Variants in C12orf42 observed in about 807,000 individuals in gnomAD.
C12orf42 encodes chromosome 12 open reading frame 42.
C12orf42 carries 25 observed loss-of-function variants against 21.6 expected under a neutral mutation model. The observed-to-expected ratio is 1.16, with a 90% CI of 0.84 to 1.62. C12orf42 has a LOEUF of 1.62. Ranked by LOEUF, C12orf42 falls within the 40% of genes most tolerant of loss-of-function variation. C12orf42 has a pLI of 0.00. For synonymous variants in C12orf42, 174 were observed against 175.0 expected, an observed-to-expected ratio of 0.99 and a Z score of 0.05; for missense variants, 483 against 459.3, an observed-to-expected ratio of 1.05 and a Z score of -0.47.
chr12:103,086,437 T>G, the C12orf42 span, among the ~76,000 whole-genome samples: 1 of 151,338 alleles, frequency 6.6e-6, no homozygotes, highest in Non-Finnish European at 1.5e-5. Flanking sequence ...ATTCCTTTAG[T>G]ACAGATAAGC....
chr12:103,477,675 A>G (rs375794943), intron 2 of C12orf42, among the ~76,000 whole-genome samples: 7 of 152,296 alleles, frequency 4.6e-5, no homozygotes, highest in African/African-American at 1.7e-4. Context: ...GAGTAAAAGC[A>G]ACAGGAGTCA....
chr12:103,050,401 C>G, the C12orf42 span, among the ~76,000 whole-genome samples: 6 of 152,194 alleles, frequency 3.9e-5, no homozygotes, highest in East Asian at 1.2e-3. Context: ...AGGATCGCTG[C>G]AGGAAACAGA....
At chr12:103,165,675 TAGC>T in the C12orf42 span, among the ~76,000 whole-genome samples, 1 of 152,272 alleles carries the variant, frequency 6.6e-6, no homozygotes, top group East Asian at 1.9e-4. Context: ...GCTGTGGAAA[TAGC>T]AGTCACAAAG....
the C12orf42 span, among the ~76,000 whole-genome samples, chr12:103,194,427 G>T: frequency 1.1e-4 from 17 of 152,012 alleles, no homozygotes; most frequent in African/African-American, 4.1e-4. Flanking sequence ...AAAGCCTAAA[G>T]GACTCCACAA....
chr12:103,463,756 G>A (rs1952902472), intron 2 of C12orf42, among the ~76,000 whole-genome samples: 1 of 152,062 alleles, frequency 6.6e-6, no homozygotes, highest in Non-Finnish European at 1.5e-5. Flanking sequence ...CCCAGCCCCT[G>A]ACAGACACCT....
intron 2 of C12orf42, among the ~76,000 whole-genome samples, chr12:103,471,663 A>G (rs1414329555): frequency 1.3e-5 from 2 of 152,330 alleles, no homozygotes; most frequent in East Asian, 3.9e-4. Context: ...CCAGATTTTA[A>G]CCTCTACACT....
At chr12:103,388,930 G>C (rs1490161941) in intron 3 of C12orf42, among the ~76,000 whole-genome samples, 4 of 152,188 alleles carry the variant, frequency 2.6e-5, no homozygotes, top group Non-Finnish European at 5.9e-5. Context: ...TGGGAAGACT[G>C]GTGGCCCAGG....
chr12:103,157,744 G>A, the C12orf42 span, among the ~76,000 whole-genome samples: 1 of 152,186 alleles, frequency 6.6e-6, no homozygotes, highest in African/African-American at 2.4e-5. Context: ...CCCAATGCTT[G>A]TTTTTGGCAG....
the C12orf42 span, among the ~76,000 whole-genome samples, chr12:103,513,944 G>A: frequency 6.6e-6 from 1 of 152,206 alleles, no homozygotes; most frequent in Non-Finnish European, 1.5e-5. Context: ...AAAGGATGGT[G>A]TATTAATCCA....
chr12:103,250,008 AT>A (rs2034213529), intron 10 of C12orf42, among the ~76,000 whole-genome samples: 1 of 152,090 alleles, frequency 6.6e-6, no homozygotes, highest in Non-Finnish European at 1.5e-5. Context: ...TAGACTCATG[AT>A]CTTAGTTGAT....
chr12:103,556,442 A>G, the C12orf42 span, among the ~76,000 whole-genome samples: 1 of 152,168 alleles, frequency 6.6e-6, no homozygotes, highest in African/African-American at 2.4e-5. Context: ...TCAGCAAAAT[A>G]ATTCTTCAGG....
intron 2 of C12orf42, among the ~76,000 whole-genome samples, chr12:103,452,896 G>T (rs1952042536): frequency 1.3e-5 from 2 of 151,914 alleles, no homozygotes; most frequent in South Asian, 4.1e-4. Context: ...GGAGCGGGGA[G>T]GGATAGCATT....
intron 2 of C12orf42, among the ~76,000 whole-genome samples, chr12:103,430,542 G>C (rs1413276578): frequency 6.6e-6 from 1 of 152,202 alleles, no homozygotes; most frequent in Non-Finnish European, 1.5e-5. Flanking sequence ...AACCATTGTG[G>C]AAGACAGTGT....
chr12:103,160,811 C>T, the C12orf42 span, among the ~76,000 whole-genome samples: 1 of 152,278 alleles, frequency 6.6e-6, no homozygotes, highest in South Asian at 2.1e-4. Context: ...TCTAGACATA[C>T]CAACATAGTG....
At chr12:103,514,589 A>C in the C12orf42 span, among the ~76,000 whole-genome samples, 1 of 152,180 alleles carries the variant, frequency 6.6e-6, no homozygotes, top group African/African-American at 2.4e-5. Flanking sequence ...TTTTACTCTG[A>C]GTAAAGTGGC....
chr12:103,283,260 G>A (rs1405182146), intron 4 of C12orf42, among the ~76,000 whole-genome samples: 1 of 152,160 alleles, frequency 6.6e-6, no homozygotes, highest in Admixed American at 6.5e-5. Context: ...TCAGTGAATG[G>A]TATCTGTGAA....
chr12:103,402,984 TATGTCCTCTCATG>T (rs1156998868), intron 2 of C12orf42, among the ~76,000 whole-genome samples: 1 of 152,150 alleles, frequency 6.6e-6, no homozygotes, highest in Non-Finnish European at 1.5e-5. Flanking sequence ...GGACCCCCAT[TATGTCCTCTCATG>T]AGGTCTAGAA....
chr12:103,431,149 A>G (rs928320991), intron 2 of C12orf42: 3 of 152,180 alleles, frequency 2.0e-5, no homozygotes, highest in African/African-American at 7.2e-5. Context: ...GTTGACATTT[A>G]TCAAGAATGT....
intron 2 of C12orf42, among the ~76,000 whole-genome samples, chr12:103,461,332 C>T (rs1184025028): frequency 6.6e-6 from 1 of 152,084 alleles, no homozygotes; most frequent in East Asian, 1.9e-4. Flanking sequence ...AATCCCCTAA[C>T]AACATAATCC....
Sources: allele counts gnomAD v4.1 joint callset (sites outside exome capture counted in the v4.1 genomes callset), GRCh38; gene constraint gnomAD v4.1.1; transcripts MANE v1.5; gene names NCBI Gene and HGNC (gene_info 2026-07-23, HGNC 2026-07-21).